Variants in PTPRR observed in about 807,000 individuals in gnomAD.
PTPRR encodes receptor-type tyrosine-protein phosphatase R.
A neutral mutation model predicts 77.2 loss-of-function variants in PTPRR; 38 were observed. The observed-to-expected ratio is 0.49, with a 90% confidence interval of 0.38 to 0.65. The LOEUF (loss-of-function observed/expected upper bound fraction) is 0.65, where lower values mean the gene tolerates loss of function less well. Among genes scored for constraint, PTPRR ranks in the 30% least tolerant of loss-of-function variants. The pLI is 0.00. For synonymous variants in PTPRR, 299 were observed against 283.1 expected (o/e 1.06, Z -0.57); for missense variants, 744 against 799.2 (o/e 0.93, Z 0.83).
At chr12:70,656,864 A>G in intron 12 of PTPRR, 47 bp from the exon 13 acceptor site, 1 of 1,289,086 alleles carries the variant, frequency 7.8e-7, no homozygotes, top group Admixed American at 1.7e-5. Context: ...AAAATGACAA[A>G]GATAAGAAAC....
At chr12:70,888,025 TGTGTGG>T (rs773102554) in intron 2 of PTPRR, among the ~76,000 whole-genome samples, 2 of 151,940 alleles carry the variant, frequency 1.3e-5, no homozygotes, top group Non-Finnish European at 2.9e-5. Flanking sequence ...TGTATGTGTG[TGTGTGG>T]GTGTGTGTGT....
At chr12:70,726,206 C>T (rs1318730174) in intron 6 of PTPRR, among the ~76,000 whole-genome samples, 1 of 151,198 alleles carries the variant, frequency 6.6e-6, no homozygotes, top group Non-Finnish European at 1.5e-5. Context: ...GAAAATTATA[C>T]AAAAAATCTA....
intron 2 of PTPRR, among the ~76,000 whole-genome samples, chr12:70,839,969 C>G (rs957081720): frequency 6.6e-6 from 1 of 152,196 alleles, no homozygotes; most frequent in East Asian, 1.9e-4. Flanking sequence ...GATTTCAAAA[C>G]ATGAATTAAG....
At chr12:70,766,978 A>T (rs1423287822) in intron 2 of PTPRR, among the ~76,000 whole-genome samples, 1 of 152,206 alleles carries the variant, frequency 6.6e-6, no homozygotes, top group African/African-American at 2.4e-5. Flanking sequence ...AGATTTTGTC[A>T]CCACCAGGCC....
At chr12:70,722,344 G>T (rs1237844868) in intron 6 of PTPRR, among the ~76,000 whole-genome samples, 2 of 152,100 alleles carry the variant, frequency 1.3e-5, no homozygotes, top group Non-Finnish European at 2.9e-5. Context: ...CCTATATAGA[G>T]ATAACATTTC....
At chr12:70,784,921 C>A (rs1437014474) in intron 2 of PTPRR, among the ~76,000 whole-genome samples, 1 of 152,172 alleles carries the variant, frequency 6.6e-6, no homozygotes, top group East Asian at 1.9e-4. Context: ...TGTCAAGGAG[C>A]TTTCACCAAA....
chr12:70,654,492 G>A (rs1010195789), intron 13 of PTPRR, among the ~76,000 whole-genome samples: 2 of 152,064 alleles, frequency 1.3e-5, no homozygotes, highest in Non-Finnish European at 2.9e-5. Flanking sequence ...CCATGATCAC[G>A]CCACTGCACT....
chr12:70,746,336 T>G (rs1006570660), intron 5 of PTPRR, among the ~76,000 whole-genome samples: 1 of 152,186 alleles, frequency 6.6e-6, no homozygotes, highest in African/African-American at 2.4e-5. Flanking sequence ...CACAAAGATA[T>G]ATTCAAAAGT....
intron 13 of PTPRR, among the ~76,000 whole-genome samples, chr12:70,656,038 C>T (rs1489033477): frequency 6.6e-6 from 1 of 151,552 alleles, no homozygotes; most frequent in African/African-American, 2.4e-5. Flanking sequence ...ATAGTAAGAC[C>T]CTGTCTCTAC....
intron 13 of PTPRR, among the ~76,000 whole-genome samples, chr12:70,652,872 G>T (rs1261391412): frequency 6.6e-6 from 1 of 152,202 alleles, no homozygotes; most frequent in Non-Finnish European, 1.5e-5. Flanking sequence ...CAAGGTGGAG[G>T]TCAGGCTATG....
chr12:70,911,334 T>C (rs1301274208), intron 1 of PTPRR, among the ~76,000 whole-genome samples: 2 of 152,136 alleles, frequency 1.3e-5, no homozygotes, highest in African/African-American at 4.8e-5. Flanking sequence ...ATGGGAAGCC[T>C]ATAGACCTAT....
At chr12:70,688,148 G>A (rs1887935180) in intron 8 of PTPRR, among the ~76,000 whole-genome samples, 1 of 152,116 alleles carries the variant, frequency 6.6e-6, no homozygotes, top group East Asian at 1.9e-4. Context: ...TGTCTTCCAG[G>A]GCAAAGTTCC....
At chr12:70,764,487 G>A (rs1195716231) in intron 3 of PTPRR, among the ~76,000 whole-genome samples, 178 bp downstream of exon 3, 1 of 152,118 alleles carries the variant, frequency 6.6e-6, no homozygotes, top group South Asian at 2.1e-4. Context: ...AATACAAAAG[G>A]CATCATGGGC....
intron 2 of PTPRR, among the ~76,000 whole-genome samples, chr12:70,806,995 G>C (rs1891721818): frequency 6.6e-6 from 1 of 152,190 alleles, no homozygotes; most frequent in Non-Finnish European, 1.5e-5. Flanking sequence ...ACAGCTAGGT[G>C]TGGTCACATA....
intron 2 of PTPRR, among the ~76,000 whole-genome samples, chr12:70,844,192 C>A (rs775779914): frequency 1.3e-5 from 2 of 151,966 alleles, no homozygotes; most frequent in Non-Finnish European, 2.9e-5. Context: ...TTAAAGGACT[C>A]GGTACTTATT....
chr12:70,728,180 C>G (rs992269519), intron 6 of PTPRR, among the ~76,000 whole-genome samples: 5 of 144,628 alleles, frequency 3.5e-5, no homozygotes, highest in African/African-American at 1.3e-4. Flanking sequence ...ATGCTTGGGA[C>G]CAGAAGTGTT....
Position 70,638,422 on chromosome 12 carries a change from T to C in PTPRR, c.*762A>G, listed in dbSNP as rs2136629185. 6.5e-6 allele frequency: 1 copy of C among 152,686 alleles called. No homozygotes were observed. Among genetic ancestry groups the C allele is most frequent in the African/African-American group, 2.4e-5 (1 of 41,562 alleles). 9.5% of individuals were successfully genotyped at this position (152,686 alleles called of 1,614,324 possible). A position where few individuals can be genotyped will look rare whatever the true frequency, so the allele number is the denominator to read the frequency against. On this transcript the variant is annotated 3_prime_UTR_variant, in exon 14 of 14. Coordinates refer to ENST00000283228, the MANE Select transcript of PTPRR (RefSeq NM_002849.4). ...TTGCTACAAATTTGTTTTTCCCTTTTAAAGTAAAATGACTCACGATGTGGA... is the reference window on the plus strand; with the variant it reads ...TTGCTACAAATTTGTTTTTCCCTTTCAAAGTAAAATGACTCACGATGTGGA...
At chr12:70,673,106 C>T (rs1566059219) in intron 10 of PTPRR, 4 of 942,330 alleles carry the variant, frequency 4.2e-6, no homozygotes, top group African/African-American at 1.7e-5. Flanking sequence ...ACAATGACAT[C>T]CTTGGTCTTG....
intron 6 of PTPRR, among the ~76,000 whole-genome samples, chr12:70,737,312 T>A (rs1349229673): frequency 2.0e-5 from 3 of 151,982 alleles, no homozygotes; most frequent in Non-Finnish European, 4.4e-5. Flanking sequence ...GCTTTCCTAA[T>A]AAGCTTCCCC....
Sources: gnomAD v4.1 joint callset for allele counts (sites outside exome capture counted in the v4.1 genomes callset) on GRCh38, gnomAD v4.1.1 for gene constraint, MANE v1.5 for transcripts, NCBI Gene and HGNC (gene_info 2026-07-23, HGNC 2026-07-21) for gene names.